MYO1E: variants seen among roughly 807,000 people sequenced by gnomAD.
MYO1E encodes myosin IE, also known as unconventional myosin-Ie.
Under a neutral mutation model 151.1 loss-of-function variants are expected in MYO1E, and 68 were observed. The observed-to-expected ratio is 0.45, with a 90% CI of 0.37 to 0.55. MYO1E has a LOEUF of 0.55. Among genes scored for constraint, MYO1E ranks in the 20% least tolerant of loss-of-function variants. The pLI is 0.00. For synonymous variants in MYO1E, 601 were observed against 501.7 expected (o/e 1.20, Z -2.64); for missense variants, 1,363 against 1,389.3 (o/e 0.98, Z 0.30).
intron 1 of MYO1E, among the ~76,000 whole-genome samples, chr15:59,316,679 C>T (rs1179450790): frequency 6.6e-6 from 1 of 152,114 alleles, no homozygotes; most frequent in Non-Finnish European, 1.5e-5. Context: ...TAAAATTTAT[C>T]TTGTCATGTA....
intron 1 of MYO1E, among the ~76,000 whole-genome samples, chr15:59,327,999 T>C (rs566261693): frequency 4.9e-4 from 74 of 152,212 alleles, no homozygotes; most frequent in African/African-American, 1.7e-3. Flanking sequence ...AAAGAGGAGA[T>C]GGTGGGCCCA....
At chr15:59,230,224 T>TTGTGTGTGTGTGTGTGTG (rs71119445) in intron 6 of MYO1E, among the ~76,000 whole-genome samples, 2 of 126,916 alleles carry the variant, frequency 1.6e-5, no homozygotes, top group African/African-American at 6.1e-5. Flanking sequence ...CAGTGTGTGT[T>TTGTGTGTGTGTGTGTGTG]TGTGTGTGTG....
In MYO1E at chr15:59,232,173, C is replaced by T. The variant is rs140378997; in HGVS notation, c.421-382G>A. ...CTTTCTTCTCACTACCCCTTCCCAA[C>T]TACTCTACCAACCCATCTCATCCCA... On this transcript the variant is annotated intron_variant, in intron 5 of 27. Transcript: ENST00000288235. 5.4e-3 allele frequency among the ~76,000 whole-genome samples: 825 copies of T among 152,316 alleles called. 21 individuals are homozygous for T. Among genetic ancestry groups the T allele is most frequent in the East Asian group, 0.029 (152 of 5,184 alleles).
chr15:59,165,787 C>T (rs2079560027), intron 22 of MYO1E, among the ~76,000 whole-genome samples: 1 of 152,182 alleles, frequency 6.6e-6, no homozygotes, highest in African/African-American at 2.4e-5. Context: ...GTGTAAGAAC[C>T]CGGCTGCATT....
At chr15:59,272,110 G>T (rs1392988505) in intron 2 of MYO1E, 196 bp downstream of exon 2, 4 of 590,392 alleles carry the variant, frequency 6.8e-6, no homozygotes, top group African/African-American at 1.9e-5. Context: ...AAAGCCACAA[G>T]TTCAGTTTTT....
At chr15:59,155,963 C>T (rs1242383073) in intron 25 of MYO1E, among the ~76,000 whole-genome samples, 1 of 152,076 alleles carries the variant, frequency 6.6e-6, no homozygotes, top group Non-Finnish European at 1.5e-5. Flanking sequence ...TCTGCCTCCC[C>T]GGCTCAAATA....
At chr15:59,338,595 T>C (rs1248678956) in intron 1 of MYO1E, among the ~76,000 whole-genome samples, 2 of 152,138 alleles carry the variant, frequency 1.3e-5, no homozygotes. Context: ...TCAGGAGTAT[T>C]GGGGCTGGTC....
intron 1 of MYO1E, among the ~76,000 whole-genome samples, chr15:59,328,136 G>C (rs866134247): frequency 6.6e-6 from 1 of 152,238 alleles, no homozygotes; most frequent in Non-Finnish European, 1.5e-5. Context: ...GGTGTCAGCA[G>C]AGGGTGAGAG....
At chr15:59,221,874 T>C (rs1036055956) in intron 9 of MYO1E, among the ~76,000 whole-genome samples, 1 of 152,330 alleles carries the variant, frequency 6.6e-6, no homozygotes, top group Non-Finnish European at 1.5e-5. Context: ...TCCAGTCTAC[T>C]TCAACAGAAA....
intron 1 of MYO1E, among the ~76,000 whole-genome samples, chr15:59,318,135 G>A (rs535034216): frequency 6.6e-6 from 1 of 152,312 alleles, no homozygotes. Flanking sequence ...GTCACCACAT[G>A]TAGGACGAAC....
intron 4 of MYO1E, among the ~76,000 whole-genome samples, chr15:59,245,234 A>G (rs1566990624): frequency 6.6e-6 from 1 of 152,238 alleles, no homozygotes; most frequent in African/African-American, 2.4e-5. Flanking sequence ...GAGAATCCGG[A>G]GACACCTGAT....
chr15:59,328,017 G>A (rs1435813768), intron 1 of MYO1E, among the ~76,000 whole-genome samples: 1 of 152,168 alleles, frequency 6.6e-6, no homozygotes, highest in Non-Finnish European at 1.5e-5. Flanking sequence ...CCAACAGCCT[G>A]GGCAGAAGTG....
intron 1 of MYO1E, among the ~76,000 whole-genome samples, chr15:59,302,054 A>G (rs2080486152): frequency 6.6e-6 from 1 of 152,178 alleles, no homozygotes. Context: ...TGGCAGAACT[A>G]AAGCCTCTGT....
chr15:59,283,863 T>C (rs2080371342), intron 1 of MYO1E, among the ~76,000 whole-genome samples: 1 of 152,266 alleles, frequency 6.6e-6, no homozygotes, highest in East Asian at 1.9e-4. Context: ...CTAAAGTTCA[T>C]AGTAACTGCT....
chr15:59,258,203 C>G (rs2080204920), intron 3 of MYO1E, among the ~76,000 whole-genome samples: 1 of 152,240 alleles, frequency 6.6e-6, no homozygotes, highest in South Asian at 2.1e-4. Flanking sequence ...AAAAATTAGC[C>G]AGGCGTGTTG....
chr15:59,165,269 C>T (rs951481811), intron 22 of MYO1E, among the ~76,000 whole-genome samples: 6 of 151,996 alleles, frequency 3.9e-5, no homozygotes, highest in African/African-American at 9.7e-5. Flanking sequence ...TGGGGCGGGG[C>T]GGTGAATGGA....
chr15:59,195,511 G>C lies in MYO1E; in HGVS notation c.1755C>G (p.Arg585=). Residue 585 remains arginine (R), a synonymous_variant, in exon 17 of 28, where the codon CGC becomes CGG. Transcript: ENST00000288235. ...TCTTGGTTTCGTTTGGCTTGATGCA[G>C]CGAATGTAGTGGGGCGTACATTTCA... The part of the protein sequence containing the change: ...TLMKCTPHYI[R]CIKPNETKKP... 6.2e-7 allele frequency: 1 copy of C among 1,614,174 alleles called. No homozygotes were observed. Among genetic ancestry groups the C allele is most frequent in the Non-Finnish European group, 8.5e-7 (1 of 1,180,016 alleles).
chr15:59,282,187 A>G (rs2080356777), intron 1 of MYO1E, among the ~76,000 whole-genome samples: 1 of 152,204 alleles, frequency 6.6e-6, no homozygotes, highest in South Asian at 2.1e-4. Flanking sequence ...AAAATCTCAC[A>G]TGGTAAGACC....
At chr15:59,192,049 A>G (rs2079737546) in intron 17 of MYO1E, among the ~76,000 whole-genome samples, 1 of 152,210 alleles carries the variant, frequency 6.6e-6, no homozygotes, top group South Asian at 2.1e-4. Flanking sequence ...AGGAGCTTCA[A>G]CTGGGTGTGT....
Sources: gnomAD v4.1 joint callset for allele counts (sites outside exome capture counted in the v4.1 genomes callset) on GRCh38, gnomAD v4.1.1 for gene constraint, MANE v1.5 for transcripts, NCBI Gene and HGNC (gene_info 2026-07-23, HGNC 2026-07-21) for gene names.